Variants in PRIMA1 observed in about 807,000 individuals in gnomAD.
PRIMA1 encodes proline-rich membrane anchor 1.
Under a neutral mutation model 17.5 loss-of-function variants are expected in PRIMA1, and 7 were observed. That is an observed-to-expected ratio of 0.40 (90% confidence interval 0.23 to 0.75). The LOEUF (loss-of-function observed/expected upper bound fraction) is 0.75. PRIMA1 is among the 30% of genes least tolerant of loss of function. The pLI is 0.37. For missense variants in PRIMA1, 200 were observed against 201.8 expected (o/e 0.99, Z 0.05); for synonymous variants, 97 against 77.9 (o/e 1.25, Z -1.29).
intron 3 of PRIMA1, among the ~76,000 whole-genome samples, chr14:93,749,008 C>T (rs1444458337): frequency 1.3e-5 from 2 of 152,206 alleles, no homozygotes; most frequent in African/African-American, 2.4e-5. Context: ...CTTCTGGTAG[C>T]GACTGGAGAA....
intron 3 of PRIMA1, among the ~76,000 whole-genome samples, chr14:93,757,286 G>C (rs1196044639): frequency 6.6e-6 from 1 of 152,092 alleles, no homozygotes; most frequent in Non-Finnish European, 1.5e-5. Context: ...TGACACGGCC[G>C]CACTTGAGAA....
At chr14:93,746,084 G>A (rs2076215571) in intron 3 of PRIMA1, among the ~76,000 whole-genome samples, 1 of 152,066 alleles carries the variant, frequency 6.6e-6, no homozygotes, top group African/African-American at 2.4e-5. Context: ...GGCGGGCTCA[G>A]CCTAGGAGGT....
chr14:93,724,609 G>C (rs2076062639), intron 4 of PRIMA1, among the ~76,000 whole-genome samples: 1 of 152,166 alleles, frequency 6.6e-6, no homozygotes, highest in Non-Finnish European at 1.5e-5. Flanking sequence ...TTTTCTTACA[G>C]TGAGATCCTG....
intron 3 of PRIMA1, among the ~76,000 whole-genome samples, chr14:93,766,013 A>T (rs1482466917): frequency 6.6e-6 from 1 of 152,246 alleles, no homozygotes; most frequent in African/African-American, 2.4e-5. Flanking sequence ...GAAAAGAAGA[A>T]GCCAAAAGTC....
intron 4 of PRIMA1, among the ~76,000 whole-genome samples, chr14:93,723,019 T>G (rs1346727093): frequency 6.6e-6 from 1 of 152,084 alleles, no homozygotes; most frequent in Non-Finnish European, 1.5e-5. Flanking sequence ...GCTCACTTGC[T>G]GGGGTTCTGA....
intron 3 of PRIMA1, among the ~76,000 whole-genome samples, chr14:93,747,140 C>T (rs1393630977): frequency 6.6e-6 from 1 of 152,074 alleles, no homozygotes; most frequent in East Asian, 1.9e-4. Flanking sequence ...AAGGCCTGGC[C>T]CTGGGGCACC....
intron 2 of PRIMA1, among the ~76,000 whole-genome samples, chr14:93,780,031 G>C (rs961308291): frequency 6.6e-6 from 1 of 152,202 alleles, no homozygotes; most frequent in Non-Finnish European, 1.5e-5. Flanking sequence ...TGCAAGGGGC[G>C]ATCCCTGACA....
At chr14:93,785,669 C>T (rs957198028) in intron 2 of PRIMA1, among the ~76,000 whole-genome samples, 1 of 152,186 alleles carries the variant, frequency 6.6e-6, no homozygotes, top group Non-Finnish European at 1.5e-5. Context: ...GGATTTAGCT[C>T]TTTTGCTTAA....
At chr14:93,759,987 A>C (rs1038219701) in intron 3 of PRIMA1, among the ~76,000 whole-genome samples, 6 of 152,252 alleles carry the variant, frequency 3.9e-5, no homozygotes, top group Non-Finnish European at 5.9e-5. Context: ...TGCCACAGCC[A>C]GGTCACAGCC....
rs978079725 is a variant in PRIMA1 at position 93,726,883 on chromosome 14, G to A, written c.360-5337C>T. Reference sequence around the variant, plus strand: ...CACATACACATATGTGCACATGCATGCACACATACATATGAATACACATAT... The same window carrying A: ...CACATACACATATGTGCACATGCATACACACATACATATGAATACACATAT... On this transcript the variant is annotated intron_variant, in intron 4 of 4. Coordinates refer to ENST00000393140, the MANE Select transcript of PRIMA1 (RefSeq NM_178013.4). This position sits in a 1 kb window ranked among gnomAD's most constrained non-coding sequence, Gnocchi z 4.2. Among the ~76,000 whole-genome samples the A allele has an allele frequency of 3.9e-5, 6 of 152,074 alleles. No individual in the cohort carries two copies. Among genetic ancestry groups the A allele is most frequent in the African/African-American group, 1.2e-4 (5 of 41,360 alleles).
intron 2 of PRIMA1, among the ~76,000 whole-genome samples, chr14:93,781,002 G>GCC (rs34370848): frequency 2.0e-5 from 3 of 152,194 alleles, no homozygotes; most frequent in African/African-American, 7.2e-5. Context: ...GGCAGGGAGA[G>GCC]CCCCCCGGGG....
In PRIMA1 at chr14:93,718,465, T is replaced by C. The variant is rs2076017318; in HGVS notation, c.*2979A>G. 1 of 152,552 alleles carries C rather than the reference T, an allele frequency of 6.6e-6. No homozygotes were observed. 9.4% of individuals were successfully genotyped at this position (152,552 alleles called of 1,614,324 possible). A position where few individuals can be genotyped will look rare whatever the true frequency, so the allele number is the denominator to read the frequency against. Reference sequence around the variant, plus strand: ...GATAAGACGGCATCAACTTGTACATTTGCCCATTGAGAGAACTCCCAGGAG... The same window carrying C: ...GATAAGACGGCATCAACTTGTACATCTGCCCATTGAGAGAACTCCCAGGAG... On this transcript the variant is annotated 3_prime_UTR_variant, in exon 5 of 5. Transcript: ENST00000393140.
At chr14:93,751,715 C>T (rs115944772) in intron 3 of PRIMA1, among the ~76,000 whole-genome samples, 2,609 of 152,206 alleles carry the variant, frequency 0.017, 72 homozygotes, top group African/African-American at 0.06. Flanking sequence ...GATGATGACA[C>T]GGCTGAGAAG....
At chr14:93,785,328 T>G (rs919795902) in intron 2 of PRIMA1, among the ~76,000 whole-genome samples, 2 of 152,118 alleles carry the variant, frequency 1.3e-5, no homozygotes, top group Non-Finnish European at 2.9e-5. Context: ...TTCTGGCAAT[T>G]TAAATATCGT....
intron 4 of PRIMA1, among the ~76,000 whole-genome samples, chr14:93,725,651 A>G (rs995365293): frequency 6.6e-6 from 1 of 152,158 alleles, no homozygotes; most frequent in Non-Finnish European, 1.5e-5. Flanking sequence ...TGTCCATTTC[A>G]TAGGCTTGTT....
At chr14:93,787,130 G>C (rs949769964) in intron 2 of PRIMA1, among the ~76,000 whole-genome samples, 1 of 152,172 alleles carries the variant, frequency 6.6e-6, no homozygotes, top group African/African-American at 2.4e-5. Context: ...CCCAGGGTGA[G>C]AGATTCAACC....
intron 4 of PRIMA1, among the ~76,000 whole-genome samples, chr14:93,734,208 G>C (rs2076133753): frequency 6.6e-6 from 1 of 152,224 alleles, no homozygotes; most frequent in South Asian, 2.1e-4. Flanking sequence ...GGGCAGCAAA[G>C]GGGCTGCGCA....
Position 93,765,463 on chromosome 14 carries a change from G to A in PRIMA1, c.229+13713C>T, listed in dbSNP as rs546134623. Among the ~76,000 whole-genome samples, 4 of 149,650 alleles carry A rather than the reference G, an allele frequency of 2.7e-5. No individual in the cohort carries two copies. In the East Asian group the frequency reaches 5.9e-4, roughly 22 times the overall value. On this transcript the variant is annotated intron_variant, in intron 3 of 4. Transcript: ENST00000393140. ...TCCTAGATGAATTTCATAATAAGAT[G>A]AGCTAACTAACCTTGGCAGAGTGGC...
intron 2 of PRIMA1, among the ~76,000 whole-genome samples, chr14:93,780,070 T>G (rs1411739338): frequency 6.6e-6 from 1 of 152,152 alleles, no homozygotes. Flanking sequence ...CGTCCCATGC[T>G]CTCTCCCCAT....
Sources: allele counts gnomAD v4.1 joint callset (sites outside exome capture counted in the v4.1 genomes callset), GRCh38; gene constraint gnomAD v4.1.1; non-coding constraint Gnocchi (gnomAD v3.1); transcripts MANE v1.5; gene names NCBI Gene and HGNC (gene_info 2026-07-23, HGNC 2026-07-21).